The following TPP2 variants were observed in gnomAD, a reference collection of about 807,000 sequenced individuals.
The protein encoded by TPP2 is tripeptidyl peptidase 2.
A neutral mutation model predicts 155.9 loss-of-function variants in TPP2; 34 were observed. The ratio of observed to expected loss-of-function variants is 0.22; its 90% confidence interval spans 0.17 to 0.29. The LOEUF is 0.29. TPP2 is among the 10% of genes least tolerant of loss of function. TPP2 has a pLI of 1.00. For missense variants in TPP2, 1,028 were observed against 1,522.3 expected (o/e 0.68, Z 5.40); for synonymous variants, 510 against 529.4 (o/e 0.96, Z 0.50).
chr13:102,648,907 T>C lies in TPP2; in HGVS notation c.2629T>C (p.Tyr877His), dbSNP rs367949289. 16 of 1,579,346 alleles carry C rather than the reference T, an allele frequency of 1.0e-5. No homozygotes were observed. The highest frequency in any genetic ancestry group is 1.3e-5 in the Non-Finnish European group (15 of 1,168,524). The change falls in exon 22 of 30, where the codon TAT becomes CAT. Residue 877 changes from tyrosine to histidine, a missense_variant and splice_region_variant. Transcript: ENST00000376052. Reference sequence around the variant, plus strand: ...CCCAAATGTTGTTTTTCTTTTTCAGTATTCTTTGAAACTGGAGAAAGGAGA... The same window carrying C: ...CCCAAATGTTGTTTTTCTTTTTCAGCATTCTTTGAAACTGGAGAAAGGAGA... ...MGSGDAYPHQ[Y>H]SLKLEKGDYT...
intron 12 of TPP2, 25 bp downstream of exon 12, chr13:102,635,727 G>T: frequency 6.5e-7 from 1 of 1,532,478 alleles, no homozygotes; most frequent in Non-Finnish European, 9.0e-7. Context: ...ATGAAAAATG[G>T]GTTGTAAAGC....
At position 102,678,431 on chromosome 13, in the gene TPP2, A is replaced by C. The variant is rs570528618; in HGVS notation, c.*115A>C. On this transcript the variant is annotated 3_prime_UTR_variant, in exon 30 of 30. Transcript: ENST00000376052. ...TGTTTTCATCCACTATCCAGTACTGATTATTAAAATGACATGTATTTATCA... is the reference window on the plus strand; with the variant it reads ...TGTTTTCATCCACTATCCAGTACTGCTTATTAAAATGACATGTATTTATCA... 5.2e-6 allele frequency: 4 copies of C among 768,950 alleles called. No individual in the cohort carries two copies. The African/African-American group carries it at 7.1e-5, about 14-fold the overall frequency. The allele number at this position is 768,950 out of a possible 1,614,324, so 47.6% of individuals were successfully genotyped here.
At position 102,667,870 on chromosome 13, in the gene TPP2, G is replaced by A. The variant is rs947847828; in HGVS notation, c.3371+2945G>A. On this transcript the variant is annotated intron_variant, in intron 27 of 29. Coordinates refer to ENST00000376052, the MANE Select transcript of TPP2 (RefSeq NM_001330588.2). ...TCTGGCCGAGCGACGGATGAAAGGA[G>A]TGCTCAGACACAGGTATCCAGTGAA... The A allele has an allele frequency of 1.4e-5, 14 of 968,234 alleles. No individual in the cohort carries two copies. In the African/African-American group the frequency reaches 2.3e-4, roughly 16 times the overall value. The allele number at this position is 968,234 out of a possible 1,614,324, so 60.0% of individuals were successfully genotyped here.
chr13:102,614,153 A>G lies in TPP2; in HGVS notation c.347A>G (p.Asn116Ser), dbSNP rs1880536201. ...GGCAAATATCATATTGGCATAAAAA[A>G]TGGCTATGACTTCTATCCTAAGGCA... ...PSGKYHIGIK[N>S]GYDFYPKALK... Residue 116 changes from asparagine to serine, a missense_variant, in exon 3 of 30, where the codon AAT becomes AGT. Physicochemically the swap from Asn to Ser is conservative, Grantham distance 46 (BLOSUM62 1). Around this residue, in one of 7 missense-constraint regions of TPP2, gnomAD observed 300 missense variants for 398.3 expected, o/e 0.75. Coordinates refer to ENST00000376052, the MANE Select transcript of TPP2 (RefSeq NM_001330588.2). 1 of 1,613,688 alleles carries G rather than the reference A, an allele frequency of 6.2e-7. No individual in the cohort carries two copies. The highest frequency in any genetic ancestry group is 2.2e-5 in the East Asian group (1 of 44,804).
intron 25 of TPP2, among the ~76,000 whole-genome samples, chr13:102,661,242 A>T (rs1884194843): frequency 6.9e-6 from 1 of 144,832 alleles, no homozygotes; most frequent in African/African-American, 2.6e-5. Context: ...TATATAAAGA[A>T]CGCTAACCTT....
chr13:102,625,916 G>T (rs1415597347), intron 6 of TPP2, among the ~76,000 whole-genome samples: 1 of 152,142 alleles, frequency 6.6e-6, no homozygotes, highest in African/African-American at 2.4e-5. Flanking sequence ...CTATATTCAT[G>T]TCTTTTAAGA....
Position 102,666,766 on chromosome 13 carries a change from C to CTTTTTTTTTTTTTTTTT in TPP2, c.3371+1850_3371+1866dup. 2.5e-3 allele frequency among the ~76,000 whole-genome samples: 138 copies of CTTTTTTTTTTTTTTTTT among 55,748 alleles called. 2 individuals are homozygous for CTTTTTTTTTTTTTTTTT. Among genetic ancestry groups the CTTTTTTTTTTTTTTTTT allele is most frequent in the East Asian group, 5.5e-3 (8 of 1,452 alleles). 36.6% of individuals were successfully genotyped at this position (55,748 alleles called of 152,430 possible). A position where few individuals can be genotyped will look rare whatever the true frequency, so the allele number is the denominator to read the frequency against. ...TGGTCTTTATCACTGTTTTTAATCTCTTTTTTTTTTTTTTTTTTTTTTTTT... is the reference window on the plus strand; with the variant it reads ...TGGTCTTTATCACTGTTTTTAATCTCTTTTTTTTTTTTTTTTTTTTTTTTTTTTTTTTTTTTTTTTTT... On this transcript the variant is annotated intron_variant, in intron 27 of 29. Transcript: ENST00000376052.
intron 27 of TPP2, among the ~76,000 whole-genome samples, chr13:102,665,304 A>G (rs1439736355): frequency 6.6e-6 from 1 of 152,246 alleles, no homozygotes; most frequent in Non-Finnish European, 1.5e-5. Flanking sequence ...GAAAAACCTA[A>G]TATTTGGTTT....
rs572919803 is a variant in TPP2 at position 102,654,037 on chromosome 13, T to G, written c.2991+2640T>G. Among the ~76,000 whole-genome samples, 71 of 152,328 alleles carry G rather than the reference T, an allele frequency of 4.7e-4. 1 individual carries two copies. The highest frequency in any genetic ancestry group is 1.6e-3 in the African/African-American group (67 of 41,578). On this transcript the variant is annotated intron_variant, in intron 24 of 29. Transcript: ENST00000376052. ...AGCATTTCTGCTCTGAAGATTCTTC[T>G]TGACTGTCTTTTTAAACCATAATCA...
intron 16 of TPP2, 60 bp from the exon 17 acceptor site, chr13:102,643,162 C>T (rs1595179991): frequency 6.8e-7 from 1 of 1,481,060 alleles, no homozygotes; most frequent in East Asian, 2.5e-5. Flanking sequence ...ATTAAAGCCA[C>T]TTTATGTCAA....
intron 27 of TPP2, among the ~76,000 whole-genome samples, chr13:102,669,114 C>T (rs948845589): frequency 1.3e-5 from 2 of 152,148 alleles, no homozygotes; most frequent in African/African-American, 4.8e-5. Context: ...TTCCATAAAA[C>T]TGCAGGTTTA....
intron 6 of TPP2, among the ~76,000 whole-genome samples, chr13:102,625,586 G>T (rs1038068905): frequency 6.6e-6 from 1 of 152,198 alleles, no homozygotes; most frequent in African/African-American, 2.4e-5. Flanking sequence ...AGTCTTAATA[G>T]TGGTCATTCT....
intron 22 of TPP2, 29 bp from the exon 23 acceptor site, chr13:102,649,378 CT>C: frequency 3.2e-6 from 5 of 1,584,008 alleles, no homozygotes; most frequent in South Asian, 2.3e-5. Flanking sequence ...TCTTTTGTTG[CT>C]TTTTTTCTCT....
At chr13:102,678,127 C>A in intron 29 of TPP2, 100 bp from the exon 30 acceptor site, 1 of 1,148,842 alleles carries the variant, frequency 8.7e-7, no homozygotes, top group Non-Finnish European at 1.2e-6. Flanking sequence ...CTATATGCTA[C>A]TACCTTACTG....
intron 14 of TPP2, 141 bp downstream of exon 14, chr13:102,637,380 C>T: frequency 1.1e-6 from 1 of 872,774 alleles, no homozygotes; most frequent in Non-Finnish European, 1.7e-6. Flanking sequence ...TTATTCAGTT[C>T]TTCTGGTGTG....
At chr13:102,658,148 C>T (rs611388) in intron 25 of TPP2, among the ~76,000 whole-genome samples, 75,403 of 151,944 alleles carry the variant, frequency 0.5, 19,091 homozygotes, top group African/African-American at 0.6. Context: ...GAAATTTATT[C>T]TATGTAGTCA....
chr13:102,648,038 A>G (rs1244592677), intron 21 of TPP2, among the ~76,000 whole-genome samples: 3 of 152,224 alleles, frequency 2.0e-5, no homozygotes, highest in Admixed American at 1.3e-4. Context: ...ATCTCATTAC[A>G]GACTGGCCTA....
intron 22 of TPP2, 36 bp downstream of exon 22, chr13:102,649,187 G>A (rs664660): frequency 6.4e-7 from 1 of 1,565,224 alleles, no homozygotes; most frequent in Non-Finnish European, 8.6e-7. Flanking sequence ...ACTGCCCATC[G>A]TATACACTGT....
chr13:102,599,176 A>G (rs989607312), intron 1 of TPP2, among the ~76,000 whole-genome samples: 2 of 152,182 alleles, frequency 1.3e-5, no homozygotes, highest in African/African-American at 4.8e-5. Context: ...AGCTCCCACC[A>G]TAAGTGAATA....
Sources: gnomAD v4.1 joint callset for allele counts (sites outside exome capture counted in the v4.1 genomes callset) on GRCh38, gnomAD v4.1.1 for gene constraint, gnomAD v4.1.1 regional missense constraint, MANE v1.5 for transcripts, NCBI Gene and HGNC (gene_info 2026-07-23, HGNC 2026-07-21) for gene names.